CELF5: variants seen among roughly 807,000 people sequenced by gnomAD.
CELF5 encodes the protein CUG-BP and ETR-3 like factor 5.
In CELF5, 6 loss-of-function variants were observed where a neutral mutation model predicts 54.9. The ratio of observed to expected loss-of-function variants is 0.11; its 90% CI spans 0.06 to 0.22. The LOEUF is 0.22. CELF5 is among the 10% of genes least tolerant of loss of function. The probability of loss-of-function intolerance (pLI) is 1.00; values close to 1 mark genes in which losing one functional copy is unlikely to be tolerated. For synonymous variants in CELF5, 271 were observed against 290.9 expected (o/e 0.93, Z 0.70); for missense variants, 401 against 678.6 (o/e 0.59, Z 4.54).
rs2080146122 is a variant in CELF5, at chr19:3,281,257, G to A, written c.662G>A (p.Arg221Gln). Reference sequence around the variant, plus strand: ...GACACGGACAAGGAGCGGACGCTCCGGCGCATGCAGCAGATGGTGGGCCAG... The same window carrying A: ...GACACGGACAAGGAGCGGACGCTCCAGCGCATGCAGCAGATGGTGGGCCAG... Reference protein sequence around the residue: ...FADTDKERTLRRMQQMVGQLG... With the variant: ...FADTDKERTLQRMQQMVGQLG... Residue 221 changes from arginine (R) to glutamine (Q), a missense_variant, in exon 6 of 13, where the codon CGG becomes CAG. Transcript: ENST00000292672. The surrounding 1 kb of genome is among the most constrained non-coding windows in gnomAD (Gnocchi z 6.5). 6.2e-7 allele frequency: 1 copy of A among 1,611,232 alleles called. No homozygotes were observed. Among genetic ancestry groups the A allele is most frequent in the Non-Finnish European group, 8.5e-7 (1 of 1,179,912 alleles).
rs2080142329 is a variant in CELF5, at chr19:3,281,050, C to T, written c.604-149C>T. ...CACGCGGTCCTCGCTGTGGCCCTGG[C>T]TCCTGGGGTGGGGGCCCGTGGACAT... On this transcript the variant is annotated intron_variant, in intron 5 of 12. Coordinates refer to ENST00000292672, the MANE Select transcript of CELF5 (RefSeq NM_021938.4). The surrounding 1 kb of genome is among the most constrained non-coding windows in gnomAD (Gnocchi z 6.5). 1.1e-6 allele frequency: 1 copy of T among 923,946 alleles called. No individual in the cohort carries two copies. Among genetic ancestry groups the T allele is most frequent in the South Asian group, 1.5e-5 (1 of 65,250 alleles). The allele number at this position is 923,946 out of a possible 1,614,324, so 57.2% of individuals were successfully genotyped here. A position where few individuals can be genotyped will look rare whatever the true frequency, so the allele number is the denominator to read the frequency against.
At chr19:3,271,797 G>A (rs1004143777) in intron 2 of CELF5, among the ~76,000 whole-genome samples, 1 of 151,990 alleles carries the variant, frequency 6.6e-6, no homozygotes, top group African/African-American at 2.4e-5. Flanking sequence ...GAGTGGGCAC[G>A]GAGCTGGAAC....
chr19:3,282,965 G>C lies in CELF5; in HGVS notation c.1039+467G>C, dbSNP rs898825192. 2.6e-5 allele frequency among the ~76,000 whole-genome samples: 4 copies of C among 152,162 alleles called. No homozygotes were observed. The highest frequency in any genetic ancestry group is 9.7e-5 in the African/African-American group (4 of 41,434). On this transcript the variant is annotated intron_variant, in intron 8 of 12. Coordinates refer to ENST00000292672, the MANE Select transcript of CELF5 (RefSeq NM_021938.4). This position sits in a 1 kb window ranked among gnomAD's most constrained non-coding sequence, Gnocchi z 5.2. ...CCTGCCTCAGCCTCCCAAGTAGCTG[G>C]GATTACAGGCGCATGCCACCATGCC...
chr19:3,290,195 T>G (rs762324500), intron 10 of CELF5, 36 bp from the exon 11 acceptor site: 6 of 1,606,116 alleles, frequency 3.7e-6, no homozygotes, highest in Non-Finnish European at 5.1e-6. Flanking sequence ...CCTCCTCTCC[T>G]TGGGGGCTTT....
At chr19:3,276,813 G>C (rs963289673) in intron 4 of CELF5, among the ~76,000 whole-genome samples, 1 of 148,818 alleles carries the variant, frequency 6.7e-6, no homozygotes, top group Non-Finnish European at 1.5e-5. Context: ...TGGGAGGCGG[G>C]GGGGCTTCTC....
At chr19:3,293,117 A>G (rs16991808) in intron 11 of CELF5, among the ~76,000 whole-genome samples, 83,470 of 151,810 alleles carry the variant, frequency 0.55, 24,256 homozygotes, top group Middle Eastern at 0.7. Flanking sequence ...TGAGTGCCCC[A>G]TCCTCAGAGG....
Position 3,282,248 on chromosome 19 carries a change from A to G in CELF5, c.873A>G (p.Thr291=). Residue 291 remains threonine (T), a synonymous_variant, in exon 7 of 13, where the codon ACA becomes ACG. Transcript: ENST00000292672. The surrounding 1 kb of genome is among the most constrained non-coding windows in gnomAD (Gnocchi z 5.2). ...TCAGCCTCAACGGGCTGCCTGCCAC[A>G]CCCATCGCTCCTGCCTCTGGTGAGC... is the stretch of plus-strand genomic sequence containing the variant. The part of the protein sequence containing the change: ...GAVSLNGLPA[T]PIAPASGLHS... 3 of 1,612,710 alleles carry G rather than the reference A, an allele frequency of 1.9e-6. No homozygotes were observed. The highest frequency in any genetic ancestry group is 2.5e-6 in the Non-Finnish European group (3 of 1,179,992).
rs750803637 is a variant in CELF5 at position 3,275,926 on chromosome 19, G to A, written c.465G>A (p.Gln155=). The A allele has an allele frequency of 3.7e-6, 6 of 1,612,118 alleles. No individual in the cohort carries two copies. Among genetic ancestry groups the A allele is most frequent in the Non-Finnish European group, 5.1e-6 (6 of 1,179,536 alleles). The change falls in exon 4 of 13, where the codon CAG becomes CAA. Residue 155 remains glutamine, a synonymous_variant. Coordinates refer to ENST00000292672, the MANE Select transcript of CELF5 (RefSeq NM_021938.4). This position sits in a 1 kb window ranked among gnomAD's most constrained non-coding sequence, Gnocchi z 6.7. The part of the protein sequence containing the change: ...QSEEDVLRLF[Q]PFGVIDECTV... ...AGGAGGACGTGCTGCGGCTGTTCCA[G>A]CCCTTCGGGGTCATTGACGAGTGCA...
intron 1 of CELF5, among the ~76,000 whole-genome samples, chr19:3,245,726 G>A (rs375211542): frequency 3.9e-5 from 6 of 152,018 alleles, no homozygotes; most frequent in Admixed American, 6.6e-5. Context: ...AATAAAATTC[G>A]GAAAACAAAC....
chr19:3,270,904 C>T (rs998239103), intron 2 of CELF5, among the ~76,000 whole-genome samples: 1 of 151,776 alleles, frequency 6.6e-6, no homozygotes, highest in Admixed American at 6.6e-5. Context: ...GGAGCAGGTA[C>T]ACCAGCCCCC....
At chr19:3,236,955 C>T (rs1917632052) in intron 1 of CELF5, among the ~76,000 whole-genome samples, 1 of 148,548 alleles carries the variant, frequency 6.7e-6, no homozygotes, top group Non-Finnish European at 1.5e-5. Context: ...CGCCACTGCA[C>T]TCCAGCCTGG....
intron 2 of CELF5, among the ~76,000 whole-genome samples, 176 bp from the exon 3 acceptor site, chr19:3,273,696 C>T (rs2080001808): frequency 1.3e-5 from 2 of 152,176 alleles, no homozygotes; most frequent in Non-Finnish European, 2.9e-5. Context: ...CACACAGTTT[C>T]CGCTGTAGGT....
In CELF5 at chr19:3,261,040, A is replaced by C. The variant is rs567981186; in HGVS notation, c.342+9973A>C. On this transcript the variant is annotated intron_variant, in intron 2 of 12. Coordinates refer to ENST00000292672, the MANE Select transcript of CELF5 (RefSeq NM_021938.4). ...TCAGCCTCCCAAGTGTTGGGACTAC[A>C]GGTGTGAGTCACTGTGCCTGGCCAT... Among the ~76,000 whole-genome samples, 15 of 152,228 alleles carry C rather than the reference A, an allele frequency of 9.9e-5. No homozygotes were observed. In the South Asian group the frequency reaches 2.9e-3, roughly 29 times the overall value.
At chr19:3,240,666 G>A (rs1281398415) in intron 1 of CELF5, among the ~76,000 whole-genome samples, 2 of 151,810 alleles carry the variant, frequency 1.3e-5, no homozygotes, top group African/African-American at 2.4e-5. Flanking sequence ...CCACACACCA[G>A]GCAGGCTCTT....
At chr19:3,227,210 G>A (rs541438321) in intron 1 of CELF5, among the ~76,000 whole-genome samples, 13 of 152,256 alleles carry the variant, frequency 8.5e-5, no homozygotes, top group African/African-American at 2.9e-4. Flanking sequence ...AGGGGTGGGG[G>A]GGTGTCTTCA....
rs778442663 is a variant in CELF5 at position 3,293,454 on chromosome 19, C to T, written c.*8C>T. 3 of 1,613,806 alleles carry T rather than the reference C, an allele frequency of 1.9e-6. No homozygotes were observed. The highest frequency in any genetic ancestry group is 2.2e-5 in the South Asian group (2 of 91,066). On this transcript the variant is annotated 3_prime_UTR_variant, in exon 12 of 13. Coordinates refer to ENST00000292672, the MANE Select transcript of CELF5 (RefSeq NM_021938.4). The stretch of plus-strand genomic sequence containing the variant: ...CCGGGACACCCCTACTGACCGCGCC[C>T]ACAGCCGCCCTGAGGCTGTAGGCAT...
chr19:3,287,115 GATAA>G (rs1216060942), intron 10 of CELF5, among the ~76,000 whole-genome samples: 1 of 151,734 alleles, frequency 6.6e-6, no homozygotes, highest in Non-Finnish European at 1.5e-5. Context: ...CAGGTAAATG[GATAA>G]ATAAATTAGG....
chr19:3,285,669 A>ACCCC (rs79366304), intron 9 of CELF5, among the ~76,000 whole-genome samples: 20 of 42,176 alleles, frequency 4.7e-4, no homozygotes, highest in East Asian at 1.6e-3. Flanking sequence ...GTCCGCCCCC[A>ACCCC]CCCCCCCTTC....
intron 1 of CELF5, among the ~76,000 whole-genome samples, chr19:3,246,660 C>A (rs1252732932): frequency 1.3e-5 from 2 of 152,076 alleles, no homozygotes; most frequent in Non-Finnish European, 2.9e-5. Flanking sequence ...CTGCAGTGAG[C>A]TGTGATCACA....
Sources: gnomAD v4.1 joint callset for allele counts (sites outside exome capture counted in the v4.1 genomes callset) on GRCh38, gnomAD v4.1.1 for gene constraint, Gnocchi (gnomAD v3.1) non-coding constraint, MANE v1.5 for transcripts, NCBI Gene and HGNC (gene_info 2026-07-23, HGNC 2026-07-21) for gene names.